ZNF502: variants seen among roughly 807,000 people sequenced by gnomAD.
ZNF502 encodes the protein zinc finger protein 502.
ZNF502 carries 29 observed loss-of-function variants against 43.6 expected under a neutral mutation model. That is an observed-to-expected ratio of 0.67 (90% CI 0.50 to 0.91). The LOEUF (loss-of-function observed/expected upper bound fraction) is 0.91, where lower values mean the gene tolerates loss of function less well. Among genes scored for constraint, ZNF502 ranks in the 40% least tolerant of loss-of-function variants. The probability of loss-of-function intolerance (pLI) is 0.00; values close to 1 mark genes in which losing one functional copy is unlikely to be tolerated. For missense variants in ZNF502, 591 were observed against 647.2 expected (o/e 0.91, Z 0.94); for synonymous variants, 171 against 207.4 (o/e 0.82, Z 1.51).
At chr3:44,712,941 G>T (rs891341554) in intron 1 of ZNF502, among the ~76,000 whole-genome samples, 1 of 152,244 alleles carries the variant, frequency 6.6e-6, no homozygotes, top group Non-Finnish European at 1.5e-5. Context: ...CAGACTCCAA[G>T]GCCCAGCACA....
rs1348835137 is a variant in ZNF502, at chr3:44,722,488, G to A, written c.*36G>A. 6.4e-7 allele frequency: 1 copy of A among 1,567,178 alleles called. No individual in the cohort carries two copies. Among genetic ancestry groups the A allele is most frequent in the Non-Finnish European group, 8.6e-7 (1 of 1,161,192 alleles). On this transcript the variant is annotated 3_prime_UTR_variant, in exon 3 of 3. Coordinates refer to ENST00000436624, the MANE Select transcript of ZNF502 (RefSeq NM_001134442.3). Reference sequence around the variant, plus strand: ...TAGGTTATGACAGTTTCTCTAGCGAGGATGACTACGAATCTGACTGGGAGT... The same window carrying A: ...TAGGTTATGACAGTTTCTCTAGCGAAGATGACTACGAATCTGACTGGGAGT...
chr3:44,722,274 C>G lies in ZNF502; in HGVS notation c.1457C>G (p.Thr486Ser), dbSNP rs141157720. The G allele has an allele frequency of 1.2e-3, 1,982 of 1,614,076 alleles. 3 individuals are homozygous for G. The highest frequency in any genetic ancestry group is 1.6e-3 in the Non-Finnish European group (1,832 of 1,180,040). The change falls in exon 3 of 3, where the codon ACT becomes AGT. Residue 486 changes from threonine (T) to serine (S), a missense_variant. Physicochemically the swap from Thr to Ser is moderately conservative, Grantham distance 58. Transcript: ENST00000436624. ...SSLTEHHRTH[T>S]GEKLYKCSEC... ...CTTACTGAACATCATAGAACTCACACTGGTGAGAAGCTCTATAAATGTAGT... is the reference window on the plus strand; with the variant it reads ...CTTACTGAACATCATAGAACTCACAGTGGTGAGAAGCTCTATAAATGTAGT...
intron 1 of ZNF502, among the ~76,000 whole-genome samples, chr3:44,717,405 C>CTTTT (rs34497930): frequency 3.0e-4 from 23 of 76,028 alleles, no homozygotes; most frequent in South Asian, 5.8e-4. Flanking sequence ...GTGATGCAAT[C>CTTTT]TTTTTTTTTT....
Position 44,721,847 on chromosome 3 carries a change from A to G in ZNF502, c.1030A>G (p.Ile344Val). Residue 344 changes from isoleucine (I) to valine (V), a missense_variant, in exon 3 of 3, where the codon ATT becomes GTT. By Grantham distance (29) the Ile-to-Val change is conservative. Transcript: ENST00000436624. ...TKANLSQHQR[I>V]HSGEKPYKCK... ...GGCAAACCTCTCTCAGCATCAGAGA[A>G]TTCATAGTGGAGAGAAACCCTATAA... 4 of 1,614,212 alleles carry G rather than the reference A, an allele frequency of 2.5e-6. No individual in the cohort carries two copies. Among genetic ancestry groups the G allele is most frequent in the Non-Finnish European group, 3.4e-6 (4 of 1,180,020 alleles).
chr3:44,719,739 T>C (rs890153096), intron 1 of ZNF502, among the ~76,000 whole-genome samples: 8 of 152,228 alleles, frequency 5.3e-5, no homozygotes, highest in African/African-American at 1.9e-4. Flanking sequence ...CCTAACACTA[T>C]CTCAGCTCCT....
Position 44,721,880 on chromosome 3 carries a change from G to C in ZNF502, c.1063G>C (p.Glu355Gln), listed in dbSNP as rs1285730093. 1 of 1,613,984 alleles carries C rather than the reference G, an allele frequency of 6.2e-7. No homozygotes were observed. The highest frequency in any genetic ancestry group is 8.5e-7 in the Non-Finnish European group (1 of 1,179,930). ...TGGAGAGAAACCCTATAAATGTAAA[G>C]AATGTGGCAAAGCCTTTTGTCAGAG... ...HSGEKPYKCK[E>Q]CGKAFCQSPS... is the part of the protein sequence containing the mutation. Residue 355 changes from glutamate (E) to glutamine (Q), a missense_variant, in exon 3 of 3, where the codon GAA becomes CAA. Physicochemically the swap from Glu to Gln is conservative, Grantham distance 29 (BLOSUM62 2). Coordinates refer to ENST00000436624, the MANE Select transcript of ZNF502 (RefSeq NM_001134442.3).
At chr3:44,718,009 C>T (rs1158906978) in intron 1 of ZNF502, among the ~76,000 whole-genome samples, 2 of 152,126 alleles carry the variant, frequency 1.3e-5, no homozygotes, top group African/African-American at 4.8e-5. Context: ...AGCCACATTG[C>T]TTTAAAGATT....
chr3:44,718,037 G>A (rs548120709), intron 1 of ZNF502, among the ~76,000 whole-genome samples: 2 of 152,260 alleles, frequency 1.3e-5, no homozygotes, highest in South Asian at 4.1e-4. Flanking sequence ...TTACTCCTGT[G>A]ATTTCAAGTA....
chr3:44,714,574 T>C (rs1209465164), intron 1 of ZNF502: 1 of 152,218 alleles, frequency 6.6e-6, no homozygotes, highest in Non-Finnish European at 1.5e-5. Context: ...AAAAAATTGC[T>C]TTCTGGCCTG....
intron 1 of ZNF502, among the ~76,000 whole-genome samples, chr3:44,715,016 C>A (rs1166551641): frequency 6.6e-6 from 1 of 152,092 alleles, no homozygotes; most frequent in African/African-American, 2.4e-5. Flanking sequence ...TAAAAAGTAA[C>A]TTTTTCTACC....
intron 1 of ZNF502, among the ~76,000 whole-genome samples, chr3:44,715,069 A>G (rs1404787582): frequency 6.6e-6 from 1 of 152,254 alleles, no homozygotes; most frequent in Non-Finnish European, 1.5e-5. Context: ...GTAAAAATAT[A>G]GAAGAGTATA....
chr3:44,714,255 C>T (rs1448566543), intron 1 of ZNF502, among the ~76,000 whole-genome samples: 1 of 152,192 alleles, frequency 6.6e-6, no homozygotes, highest in South Asian at 2.1e-4. Flanking sequence ...TTACCTTTCA[C>T]CATAATACTC....
chr3:44,712,914 C>T (rs899275300), intron 1 of ZNF502, among the ~76,000 whole-genome samples, 174 bp downstream of exon 1: 2 of 152,278 alleles, frequency 1.3e-5, no homozygotes, highest in African/African-American at 4.8e-5. Flanking sequence ...CCCGCCCAGC[C>T]TGCAGCCTCA....
Position 44,721,871 on chromosome 3 carries a change from A to G in ZNF502, c.1054A>G (p.Lys352Glu), listed in dbSNP as rs1704353696. 1 of 1,613,868 alleles carries G rather than the reference A, an allele frequency of 6.2e-7. No homozygotes were observed. The highest frequency in any genetic ancestry group is 1.3e-5 in the African/African-American group (1 of 74,920). ...AATTCATAGTGGAGAGAAACCCTAT[A>G]AATGTAAAGAATGTGGCAAAGCCTT... ...QRIHSGEKPY[K>E]CKECGKAFCQ... The change falls in exon 3 of 3, where the codon AAA (lysine) becomes GAA (glutamate). Residue 352 changes from lysine (K) to glutamate (E), a missense_variant. Lys to Glu is a moderately conservative substitution (Grantham distance 56). Transcript: ENST00000436624.
At chr3:44,720,162 A>T in intron 1 of ZNF502, 41 bp from the exon 2 acceptor site, 1 of 1,280,858 alleles carries the variant, frequency 7.8e-7, no homozygotes, top group Non-Finnish European at 1.1e-6. Context: ...CTGGGACAGT[A>T]ATATTCCCTC....
intron 1 of ZNF502, among the ~76,000 whole-genome samples, chr3:44,719,831 T>C (rs1286865000): frequency 1.3e-5 from 2 of 152,260 alleles, no homozygotes; most frequent in Admixed American, 6.5e-5. Flanking sequence ...CTTTTAACTA[T>C]ATTAACTGGC....
intron 1 of ZNF502, among the ~76,000 whole-genome samples, chr3:44,713,522 C>T (rs1295161278): frequency 1.3e-5 from 2 of 151,818 alleles, no homozygotes; most frequent in African/African-American, 4.8e-5. Context: ...AGCATTTGTG[C>T]TAATTGATTT....
At chr3:44,717,215 A>G (rs1559498910) in intron 1 of ZNF502, among the ~76,000 whole-genome samples, 2 of 151,944 alleles carry the variant, frequency 1.3e-5, no homozygotes, top group Non-Finnish European at 2.9e-5. Context: ...TTTTTTTTCC[A>G]GGTAGTTAGC....
chr3:44,720,847 A>C (rs762155955), intron 2 of ZNF502, 26 bp from the exon 3 acceptor site: 6 of 1,591,588 alleles, frequency 3.8e-6, no homozygotes, highest in Admixed American at 1.7e-5. Context: ...TGTACAGGAG[A>C]TATTCATTCT....
Sources: allele counts gnomAD v4.1 joint callset (sites outside exome capture counted in the v4.1 genomes callset), GRCh38; gene constraint gnomAD v4.1.1; transcripts MANE v1.5; gene names NCBI Gene and HGNC (gene_info 2026-07-23, HGNC 2026-07-21).